DCDC2: variants seen among roughly 807,000 people sequenced by gnomAD.
DCDC2 encodes the protein doublecortin domain containing 2.
Under a neutral mutation model 50.2 loss-of-function variants are expected in DCDC2, and 40 were observed. The ratio of observed to expected loss-of-function variants is 0.80; its 90% CI spans 0.62 to 1.04. The LOEUF (loss-of-function observed/expected upper bound fraction) is 1.04, where lower values mean the gene tolerates loss of function less well. DCDC2 is among the 50% of genes least tolerant of loss of function. DCDC2 has a pLI of 0.00. For missense variants in DCDC2, 570 were observed against 581.9 expected, an observed-to-expected ratio of 0.98 and a Z score of 0.21; for synonymous variants, 234 against 210.6, an observed-to-expected ratio of 1.11 and a Z score of -0.96.
At chr6:24,368,633 G>T in the DCDC2 span, among the ~76,000 whole-genome samples, 1 of 151,190 alleles carries the variant, frequency 6.6e-6, no homozygotes, top group Non-Finnish European at 1.5e-5. Flanking sequence ...AAATGAGAGC[G>T]TTTACCACCA....
intron 2 of DCDC2, among the ~76,000 whole-genome samples, chr6:24,346,554 G>A (rs1271171004): frequency 1.3e-5 from 2 of 152,106 alleles, no homozygotes; most frequent in Non-Finnish European, 2.9e-5. Flanking sequence ...TCAGGAGTTC[G>A]AGACCAGCCT....
intron 2 of DCDC2, among the ~76,000 whole-genome samples, chr6:24,337,059 TC>T (rs924129202): frequency 5.3e-5 from 8 of 152,178 alleles, no homozygotes; most frequent in Non-Finnish European, 2.9e-5. Context: ...CCTATTATCT[TC>T]CTCCCATCCT....
chr6:24,201,297 A>G (rs945654554), intron 8 of DCDC2, among the ~76,000 whole-genome samples: 1 of 152,238 alleles, frequency 6.6e-6, no homozygotes, highest in Non-Finnish European at 1.5e-5. Context: ...AATCATAATC[A>G]ACAGTCTCTC....
intron 7 of DCDC2, among the ~76,000 whole-genome samples, chr6:24,210,058 G>A (rs2113765892): frequency 6.7e-6 from 1 of 148,732 alleles, no homozygotes; most frequent in Admixed American, 6.7e-5. Context: ...GTGTGTGTCT[G>A]TCTGTCTGTC....
Position 24,275,866 on chromosome 6 carries a change from A to ATTTCTT in DCDC2, c.922+2182_922+2183insAAGAAA, listed in dbSNP as rs528147769. The stretch of plus-strand genomic sequence containing the variant: ...CAAAAGCAAAAATGCCAATAATTCA[A>ATTTCTT]TTTTTTTTTTTTTTTTTTTTTTAGG... On this transcript the variant is annotated intron_variant, in intron 7 of 9. Transcript: ENST00000378454. 7.4e-5 allele frequency among the ~76,000 whole-genome samples: 8 copies of ATTTCTT among 108,114 alleles called. No individual in the cohort carries two copies. In the East Asian group the frequency reaches 2.3e-3, roughly 31 times the overall value. The allele number at this position is 108,114 out of a possible 152,430, so 70.9% of individuals were successfully genotyped here.
chr6:24,250,656 C>T (rs1762777976), intron 7 of DCDC2, among the ~76,000 whole-genome samples: 1 of 152,040 alleles, frequency 6.6e-6, no homozygotes, highest in Admixed American at 6.5e-5. Flanking sequence ...AGACAGACTG[C>T]TTTAGAAGAA....
At chr6:24,320,167 C>T (rs561722929) in intron 2 of DCDC2, among the ~76,000 whole-genome samples, 28 of 152,160 alleles carry the variant, frequency 1.8e-4, no homozygotes, top group African/African-American at 4.3e-4. Flanking sequence ...TAAAAGTAAA[C>T]CAATACATAA....
At chr6:24,309,467 T>G (rs1759533812) in intron 2 of DCDC2, among the ~76,000 whole-genome samples, 1 of 152,178 alleles carries the variant, frequency 6.6e-6, no homozygotes, top group African/African-American at 2.4e-5. Context: ...ATTACACTGT[T>G]GTACAGAACT....
intron 7 of DCDC2, among the ~76,000 whole-genome samples, chr6:24,208,065 C>A (rs902695558): frequency 1.3e-5 from 2 of 152,156 alleles, no homozygotes; most frequent in Non-Finnish European, 2.9e-5. Context: ...ATTGACATCC[C>A]CTCAATTTCA....
intron 1 of DCDC2, chr6:24,357,138 A>T: frequency 4.3e-6 from 1 of 230,510 alleles, no homozygotes; most frequent in African/African-American, 2.2e-5. Context: ...GGAAAGAAAA[A>T]ACTGAACAGA....
intron 6 of DCDC2, among the ~76,000 whole-genome samples, chr6:24,288,263 G>A (rs994318729): frequency 3.3e-5 from 5 of 152,234 alleles, no homozygotes; most frequent in Non-Finnish European, 7.3e-5. Context: ...GCTCTGGCAT[G>A]ACATGGAGCT....
intron 7 of DCDC2, among the ~76,000 whole-genome samples, chr6:24,267,125 TAC>T (rs1341377091): frequency 2.0e-5 from 3 of 152,104 alleles, no homozygotes; most frequent in African/African-American, 7.2e-5. Context: ...CTCACGAAGA[TAC>T]AGAGTAGAAT....
chr6:24,274,608 A>T (rs1763310503), intron 7 of DCDC2, among the ~76,000 whole-genome samples: 1 of 3,568 alleles, frequency 2.8e-4, no homozygotes, highest in South Asian at 0.015. Context: ...ACAGAGTCAA[A>T]AAAAAAAAAA....
intron 8 of DCDC2, among the ~76,000 whole-genome samples, chr6:24,198,174 G>A (rs934607070): frequency 2.0e-5 from 3 of 152,146 alleles, no homozygotes; most frequent in Admixed American, 2.0e-4. Context: ...GACCCTAAAG[G>A]CAAGAATATA....
intron 8 of DCDC2, among the ~76,000 whole-genome samples, chr6:24,192,843 A>T (rs541142391): frequency 6.6e-6 from 1 of 152,086 alleles, no homozygotes; most frequent in Non-Finnish European, 1.5e-5. Context: ...GAAGAAAATT[A>T]TCAAAGAAAC....
chr6:24,343,346 G>A (rs1014605400), intron 2 of DCDC2, among the ~76,000 whole-genome samples: 5 of 152,054 alleles, frequency 3.3e-5, no homozygotes, highest in South Asian at 4.1e-4. Context: ...ACCGTGCCCC[G>A]CCTAAATATT....
chr6:24,210,048 GTGTGTGTC>G (rs1403455696), intron 7 of DCDC2, among the ~76,000 whole-genome samples: 19 of 137,322 alleles, frequency 1.4e-4, no homozygotes, highest in African/African-American at 4.2e-4. Context: ...GTGTGTGTGT[GTGTGTGTC>G]TGTCTGTCTG....
In DCDC2 at chr6:24,236,628, G is replaced by C. The variant is rs146170247; in HGVS notation, c.923-31526C>G. ...AGACAAGCTACAGAATAGAATATCT[G>C]CAAACTATGCATCCAAATGAAAGCC... On this transcript the variant is annotated intron_variant, in intron 7 of 9. Coordinates refer to ENST00000378454, the MANE Select transcript of DCDC2 (RefSeq NM_016356.5). 4.1e-4 allele frequency among the ~76,000 whole-genome samples: 62 copies of C among 152,174 alleles called. 1 individual carries two copies. The highest frequency in any genetic ancestry group is 1.4e-3 in the African/African-American group (58 of 41,508).
intron 7 of DCDC2, among the ~76,000 whole-genome samples, chr6:24,269,712 T>C (rs1197319710): frequency 6.6e-6 from 1 of 152,026 alleles, no homozygotes; most frequent in Non-Finnish European, 1.5e-5. Context: ...CCTAGAATGT[T>C]TAAGTAACTG....
Sources: gnomAD v4.1 joint callset for allele counts (sites outside exome capture counted in the v4.1 genomes callset) on GRCh38, gnomAD v4.1.1 for gene constraint, MANE v1.5 for transcripts, NCBI Gene and HGNC (gene_info 2026-07-23, HGNC 2026-07-21) for gene names.